Variants in ERMP1 observed in about 807,000 individuals in gnomAD.
The protein encoded by ERMP1 is Felix-ina.
ERMP1 carries 86 observed loss-of-function variants against 92.0 expected under a neutral mutation model. The observed-to-expected ratio is 0.93, with a 90% CI of 0.79 to 1.12. The LOEUF (loss-of-function observed/expected upper bound fraction) is 1.12, where lower values mean the gene tolerates loss of function less well. ERMP1 is among the 50% of genes most tolerant of loss of function. The pLI, the probability that ERMP1 is intolerant of heterozygous loss-of-function variation, is 0.00. For missense variants in ERMP1, 1,342 were observed against 1,116.3 expected (o/e 1.20, Z -2.88); for synonymous variants, 530 against 412.8 (o/e 1.28, Z -3.44).
chr9:5,835,007 GT>G, upstream of ERMP1, among the ~76,000 whole-genome samples: 1 of 151,198 alleles, frequency 6.6e-6, no homozygotes, highest in Admixed American at 6.6e-5. Flanking sequence ...GTGTGTGTGT[GT>G]GTGTGTGTGT....
chr9:5,862,357 G>A (rs1193386897), intron 5 of ERMP1, among the ~76,000 whole-genome samples: 1 of 151,714 alleles, frequency 6.6e-6, no homozygotes, highest in Non-Finnish European at 1.5e-5. Context: ...TTTAGAGACA[G>A]AGTCTCACTC....
intron 8 of ERMP1, among the ~76,000 whole-genome samples, chr9:5,808,464 AG>A (rs1397757372): frequency 2.0e-5 from 3 of 152,352 alleles, no homozygotes; most frequent in Non-Finnish European, 4.4e-5. Flanking sequence ...ACCTTCCTTC[AG>A]CAGGAGCTGC....
At chr9:5,824,353 C>T (rs1829655215) in intron 3 of ERMP1, among the ~76,000 whole-genome samples, 1 of 152,182 alleles carries the variant, frequency 6.6e-6, no homozygotes, top group African/African-American at 2.4e-5. Context: ...GTGGGAAGAT[C>T]ACCCGAGCTC....
At chr9:5,831,929 C>G (rs1374495438) in intron 1 of ERMP1, among the ~76,000 whole-genome samples, 1 of 152,056 alleles carries the variant, frequency 6.6e-6, no homozygotes, top group African/African-American at 2.4e-5. Flanking sequence ...TCAGAAAGTC[C>G]TTAATAAGCT....
chr9:5,832,997 T>C lies in ERMP1; in HGVS notation c.31A>G (p.Arg11Gly). 1 of 1,558,472 alleles carries C rather than the reference T, an allele frequency of 6.4e-7. No individual in the cohort carries two copies. Among genetic ancestry groups the C allele is most frequent in the Non-Finnish European group, 8.6e-7 (1 of 1,163,274 alleles). The change falls in exon 1 of 15, where the codon AGG (arginine) becomes GGG (glycine). Residue 11 changes from arginine to glycine, a missense_variant. Physicochemically the swap from Arg to Gly is moderately radical, Grantham distance 125. Coordinates refer to ENST00000339450, the MANE Select transcript of ERMP1 (RefSeq NM_024896.3). ...CGCTCTACTCCGACGCGGTGCCGCC[T>C]CACAGCAGCCGACTCAGAACCCCAC... MEWGSESAAV[R>G]RHRVGVERRE...
At chr9:5,817,220 C>G (rs1829346911) in intron 4 of ERMP1, among the ~76,000 whole-genome samples, 1 of 149,264 alleles carries the variant, frequency 6.7e-6, no homozygotes, top group Non-Finnish European at 1.5e-5. Flanking sequence ...CAGAGTCTCT[C>G]GCTCTGTCGT....
chr9:5,823,953 C>T lies in ERMP1; in HGVS notation c.817G>A (p.Ala273Thr), dbSNP rs753035519. The T allele has an allele frequency of 4.3e-6, 7 of 1,614,000 alleles. No individual in the cohort carries two copies. In the South Asian group the frequency reaches 7.7e-5, roughly 18 times the overall value. ...TQHPWASLIR[A>T]FINLEAAGVG... ...CCTGCTGCCTCTAGGTTAATGAATG[C>T]ACGAATCAAGCTAGCCCAGGGGTGC... The change falls in exon 4 of 15, where the codon GCA becomes ACA. Residue 273 changes from alanine (A) to threonine (T), a missense_variant. By Grantham distance (58) the Ala-to-Thr change is moderately conservative. Transcript: ENST00000339450.
intron 4 of ERMP1, among the ~76,000 whole-genome samples, chr9:5,822,344 TA>T (rs1394138447): frequency 1.3e-5 from 2 of 152,140 alleles, no homozygotes; most frequent in Non-Finnish European, 2.9e-5. Context: ...TTCTTCTCAT[TA>T]GTTAGAGTAA....
chr9:5,789,022 T>TA (rs748750700), intron 13 of ERMP1, among the ~76,000 whole-genome samples: 1 of 152,052 alleles, frequency 6.6e-6, no homozygotes, highest in Non-Finnish European at 1.5e-5. Context: ...GCGATAGTGG[T>TA]AAAAATGGAA....
At chr9:5,813,690 A>C (rs188475279) in intron 4 of ERMP1, among the ~76,000 whole-genome samples, 1 of 151,896 alleles carries the variant, frequency 6.6e-6, no homozygotes, top group Non-Finnish European at 1.5e-5. Context: ...GTATTATAAT[A>C]ATCATTTTGA....
chr9:5,816,499 T>A (rs924834434), intron 4 of ERMP1, among the ~76,000 whole-genome samples: 1 of 152,230 alleles, frequency 6.6e-6, no homozygotes, highest in Non-Finnish European at 1.5e-5. Flanking sequence ...ATATAAATAT[T>A]CCTGGATTCA....
At chr9:5,846,191 A>G (rs1431109589) in intron 6 of ERMP1, among the ~76,000 whole-genome samples, 1 of 152,172 alleles carries the variant, frequency 6.6e-6, no homozygotes, top group East Asian at 1.9e-4. Flanking sequence ...AGGTAAGGCC[A>G]GAGGCAAGGC....
chr9:5,847,382 G>A (rs144645843), intron 6 of ERMP1, among the ~76,000 whole-genome samples: 5 of 152,076 alleles, frequency 3.3e-5, no homozygotes, highest in South Asian at 2.1e-4. Context: ...AGGACCACAG[G>A]GGCATGTCAC....
chr9:5,825,348 T>A, intron 2 of ERMP1, 129 bp from the exon 3 acceptor site: 1 of 868,526 alleles, frequency 1.2e-6, no homozygotes, highest in Non-Finnish European at 1.7e-6. Context: ...AGCATAGCTC[T>A]GTCATCATCA....
chr9:5,854,600 C>CACTGGAGTG (rs1312952757), intron 6 of ERMP1, among the ~76,000 whole-genome samples: 2 of 152,092 alleles, frequency 1.3e-5, no homozygotes, highest in African/African-American at 4.8e-5. Context: ...GGTGTGATCT[C>CACTGGAGTG]CACTCACTAT....
At chr9:5,855,535 T>C (rs115638102) in intron 6 of ERMP1, among the ~76,000 whole-genome samples, 1,827 of 152,392 alleles carry the variant, frequency 0.012, 42 homozygotes, top group African/African-American at 0.042. Context: ...GCTTAGACTG[T>C]ATGCTGTTTG....
At chr9:5,817,282 C>A (rs1340237678) in intron 4 of ERMP1, among the ~76,000 whole-genome samples, 1 of 151,982 alleles carries the variant, frequency 6.6e-6, no homozygotes, top group East Asian at 1.9e-4. Flanking sequence ...CTCTGCCTCC[C>A]GGGTTCAAGC....
intron 10 of ERMP1, among the ~76,000 whole-genome samples, chr9:5,802,933 C>T (rs1461657904): frequency 6.6e-6 from 1 of 151,868 alleles, no homozygotes; most frequent in African/African-American, 2.4e-5. Flanking sequence ...TCAGGAAGGC[C>T]GAGGCACGAG....
intron 5 of ERMP1, among the ~76,000 whole-genome samples, chr9:5,861,168 GGGGTGTGTGTGTGTGTGTGTGTGT>G (rs1830476814): frequency 8.5e-6 from 1 of 117,556 alleles, no homozygotes; most frequent in East Asian, 2.4e-4. Flanking sequence ...AATGGCTTAG[GGGGTGTGTGTGTGTGTGTGTGTGT>G]GTGTGTGTGT....
Sources: allele counts gnomAD v4.1 joint callset (sites outside exome capture counted in the v4.1 genomes callset), GRCh38; gene constraint gnomAD v4.1.1; transcripts MANE v1.5; gene names NCBI Gene and HGNC (gene_info 2026-07-23, HGNC 2026-07-21).